PLEC: variants seen among roughly 807,000 people sequenced by gnomAD.
PLEC encodes hemidesmosomal protein 1.
Under a neutral mutation model 392.8 loss-of-function variants are expected in PLEC, and 216 were observed. That is an observed-to-expected ratio of 0.55 (90% confidence interval 0.49 to 0.62). PLEC has a LOEUF of 0.62. Among genes scored for constraint, PLEC ranks in the 20% least tolerant of loss-of-function variants. PLEC has a pLI of 0.00. For missense variants in PLEC, 6,863 were observed against 6,563.4 expected (o/e 1.05, Z -1.58); for synonymous variants, 3,621 against 2,980.6 (o/e 1.21, Z -7.00).
exon 1 of PLEC, chr8:143,950,568 G>T (rs1554735722): frequency 6.2e-7 from 1 of 1,608,488 alleles, no homozygotes; most frequent in Middle Eastern, 1.7e-4. Context: ...CGCATGACCT[G>T]CAGGTTGGTG....
upstream of PLEC, chr8:143,950,986 G>A: frequency 1.7e-6 from 1 of 577,238 alleles, no homozygotes; most frequent in South Asian, 2.2e-5. Context: ...AGCAGCATGG[G>A]CGGCCCCTCC....
chr8:143,943,963 T>C (rs1830997297), upstream of PLEC: 6 of 1,561,374 alleles, frequency 3.8e-6, no homozygotes, highest in Non-Finnish European at 5.2e-6. Context: ...GACAGCCCCC[T>C]CCCTGCGTGC....
intron 30 of PLEC, among the ~76,000 whole-genome samples, chr8:143,926,124 C>T (rs1266649003): frequency 6.6e-6 from 1 of 152,248 alleles, no homozygotes; most frequent in Non-Finnish European, 1.5e-5. Context: ...CTCCCTGCTT[C>T]CCGCAGACAG....
At position 143,924,218 on chromosome 8, in the gene PLEC, C is replaced by A. The variant is rs782115809; in HGVS notation, c.5711G>T (p.Ser1904Ile). 4.4e-6 allele frequency: 7 copies of A among 1,598,798 alleles called. No individual in the cohort carries two copies. The highest frequency in any genetic ancestry group is 1.3e-5 in the African/African-American group (1 of 74,966). Residue 1904 changes from serine (S) to isoleucine (I), a missense_variant, in exon 31 of 32, where the codon AGC (serine) becomes ATC (isoleucine). Physicochemically the swap from Ser to Ile is moderately radical, Grantham distance 142. Transcript: ENST00000345136. ...RLAQLRKASD[S>I]ELERQKGLVE... ...CAGCCCCTTCTGCCGCTCCAGCTCG[C>A]TGTCCGATGCCTTGCGCAGCTGGGC...
rs1475888888 is a variant in PLEC, at chr8:143,944,781, G to A, written c.523+5403C>T. The A allele has an allele frequency of 1.3e-5, 14 of 1,108,724 alleles. No individual in the cohort carries two copies. The South Asian group carries it at 2.0e-4, about 16-fold the overall frequency. The allele number at this position is 1,108,724 out of a possible 1,614,324, so 68.7% of individuals were successfully genotyped here. A position where few individuals can be genotyped will look rare whatever the true frequency, so the allele number is the denominator to read the frequency against. On this transcript the variant is annotated intron_variant, in intron 1 of 31. Coordinates refer to the PLEC transcript ENST00000322810. Reference sequence around the variant, plus strand: ...GCAGCGTCGGGTGGGAGGAGGGCACGGCCGTGCTGCTGTCAGCAGCAGCTT... The same window carrying A: ...GCAGCGTCGGGTGGGAGGAGGGCACAGCCGTGCTGCTGTCAGCAGCAGCTT...
chr8:143,955,940 G>T (rs748840356), upstream of PLEC, among the ~76,000 whole-genome samples: 62 of 140,326 alleles, frequency 4.4e-4, no homozygotes, highest in South Asian at 4.0e-3. Flanking sequence ...TCAGCCTAGG[G>T]AGACTTTTTT....
intron 1 of PLEC, among the ~76,000 whole-genome samples, chr8:143,972,114 C>T (rs1221105945): frequency 6.6e-6 from 1 of 152,228 alleles, no homozygotes; most frequent in Admixed American, 6.5e-5. Flanking sequence ...CGATCCTGCA[C>T]AGTTCCCGCA....
upstream of PLEC, chr8:143,953,834 T>C: frequency 6.2e-7 from 1 of 1,602,328 alleles, no homozygotes; most frequent in Non-Finnish European, 8.5e-7. Flanking sequence ...CGCACCGCAC[T>C]GCCCAGGCCA....
chr8:143,948,522 GC>G (rs782172144), intron 1 of PLEC, among the ~76,000 whole-genome samples: 18 of 152,184 alleles, frequency 1.2e-4, no homozygotes, highest in Non-Finnish European at 2.2e-4. Context: ...CCCAAGCTCA[GC>G]CCGTGAGGTC....
Position 143,920,386 on chromosome 8 carries a change from G to A in PLEC, c.9435C>T (p.Asp3145=), listed in dbSNP as rs60091617. 1.3e-3 allele frequency: 2,011 copies of A among 1,591,912 alleles called. 29 individuals are homozygous for A. The African/African-American group carries it at 0.025, about 20-fold the overall frequency. The change falls in exon 32 of 32, where the codon GAC becomes GAT. Residue 3145 remains aspartate, a synonymous_variant. Transcript: ENST00000345136. ...DAQLSTGGIV[D]PSKSHRVPLD... ...GGGGCACGCGGTGGCTCTTGCTGGGGTCCACGATGCCGCCCGTGGACAGCT... is the reference window on the plus strand; with the variant it reads ...GGGGCACGCGGTGGCTCTTGCTGGGATCCACGATGCCGCCCGTGGACAGCT...
chr8:143,941,313 C>T (rs1554728559), upstream of PLEC, among the ~76,000 whole-genome samples: 2 of 152,170 alleles, frequency 1.3e-5, no homozygotes, highest in Non-Finnish European at 2.9e-5. Context: ...AACTGGGAGC[C>T]GGGGCCAAGG....
chr8:143,953,142 G>C (rs1361487079), upstream of PLEC, among the ~76,000 whole-genome samples: 1 of 151,226 alleles, frequency 6.6e-6, no homozygotes, highest in Non-Finnish European at 1.5e-5. Flanking sequence ...AGCGGGAGCT[G>C]ATTCAGCACT....
chr8:143,945,025 G>T (rs992604280), intron 1 of PLEC, among the ~76,000 whole-genome samples: 14 of 152,152 alleles, frequency 9.2e-5, no homozygotes, highest in Non-Finnish European at 4.4e-5. Context: ...GGAGGTGCGG[G>T]CTCACGTCCC....
chr8:143,923,540 T>G lies in PLEC; in HGVS notation c.6389A>C (p.Gln2130Pro). Residue 2130 changes from glutamine to proline, a missense_variant, in exon 31 of 32, where the codon CAG becomes CCG. By Grantham distance (76) the Gln-to-Pro change is moderately conservative. Coordinates refer to ENST00000345136, the MANE Select transcript of PLEC (RefSeq NM_201384.3). ...CAGCTTCTCTGCAGCCGCCTGTGCC[T>G]GAGCCCGGGCCTGTGCCTGCTCCTC... The part of the protein sequence containing the change: ...SAEEQAQARA[Q>P]AQAAAEKLRK... 1 of 1,598,496 alleles carries G rather than the reference T, an allele frequency of 6.3e-7. No individual in the cohort carries two copies. The highest frequency in any genetic ancestry group is 1.1e-5 in the South Asian group (1 of 90,822).
Position 143,935,895 on chromosome 8 carries a change from G to A in PLEC, c.555C>T (p.Ser185=), listed in dbSNP as rs1554722813. Residue 185 remains serine, a synonymous_variant, in exon 6 of 32, where the codon TCC becomes TCT. Transcript: ENST00000345136. ...YQGLRCDNFT[S]SWRDGRLFNA... ...TGAAGAGGCGGCCGTCTCTCCAGCT[G>A]GAGGTGAAGTTGTCGCATCGCAGGC... is the stretch of plus-strand genomic sequence containing the variant. 1 of 1,612,940 alleles carries A rather than the reference G, an allele frequency of 6.2e-7. No individual in the cohort carries two copies. The highest frequency in any genetic ancestry group is 8.5e-7 in the Non-Finnish European group (1 of 1,179,970).
chr8:143,942,647 A>G, upstream of PLEC: 1 of 1,136,244 alleles, frequency 8.8e-7, no homozygotes, highest in Non-Finnish European at 1.2e-6. Flanking sequence ...TCCCCCCCAC[A>G]ATCCGCCCAC....
chr8:143,933,189 G>A lies in PLEC; in HGVS notation c.1418+8C>T. ...CCTGGGCTTCAGGGAGGGCAGGGCG[G>A]GGCCCACCTGCGGTACATCTGCTCG... On this transcript the variant is annotated splice_region_variant and intron_variant, in intron 13 of 31. Transcript: ENST00000345136. 1 of 1,612,034 alleles carries A rather than the reference G, an allele frequency of 6.2e-7. No individual in the cohort carries two copies. The highest frequency in any genetic ancestry group is 8.5e-7 in the Non-Finnish European group (1 of 1,179,816).
At position 143,918,323 on chromosome 8, in the gene PLEC, G is replaced by T; in HGVS notation, c.11498C>A (p.Thr3833Lys). Residue 3833 changes from threonine to lysine, a missense_variant, in exon 32 of 32, where the codon ACG becomes AAG. Coordinates refer to ENST00000345136, the MANE Select transcript of PLEC (RefSeq NM_201384.3). ...AYQRGYLNKD[T>K]HDQLSEPSEV... ...GCTGGGCTCTGACAGCTGGTCGTGC[G>T]TGTCCTTGTTGAGGTAGCCACGCTG... 6.3e-7 allele frequency: 1 copy of T among 1,588,364 alleles called. No individual in the cohort carries two copies. Among genetic ancestry groups the T allele is most frequent in the African/African-American group, 1.3e-5 (1 of 74,898 alleles).
intron 1 of PLEC, 99 bp from the exon 2 acceptor site, chr8:143,938,791 T>C (rs1829775140): frequency 9.6e-7 from 1 of 1,045,368 alleles, no homozygotes; most frequent in Non-Finnish European, 1.5e-6. Flanking sequence ...GGCCAGGTCC[T>C]GCCTGGGGAG....
Sources: allele counts gnomAD v4.1 joint callset (sites outside exome capture counted in the v4.1 genomes callset), GRCh38; gene constraint gnomAD v4.1.1; transcripts MANE v1.5; gene names NCBI Gene and HGNC (gene_info 2026-07-23, HGNC 2026-07-21).